MPPED2: variants seen among roughly 807,000 people sequenced by gnomAD.
The protein encoded by MPPED2 is metallophosphoesterase domain containing 2, also known as metallophosphoesterase MPPED2.
A neutral mutation model predicts 33.0 loss-of-function variants in MPPED2; 5 were observed. The ratio of observed to expected loss-of-function variants is 0.15; its 90% CI spans 0.08 to 0.32. The LOEUF (loss-of-function observed/expected upper bound fraction) is 0.32, where lower values mean the gene tolerates loss of function less well. Among genes scored for constraint, MPPED2 ranks in the 10% least tolerant of loss-of-function variants. MPPED2 has a pLI of 1.00. For synonymous variants in MPPED2, 136 were observed against 141.9 expected (o/e 0.96, Z 0.29); for missense variants, 275 against 372.1 (o/e 0.74, Z 2.15).
At chr11:30,506,465 T>C (rs927328544) in intron 3 of MPPED2, among the ~76,000 whole-genome samples, 12 of 152,208 alleles carry the variant, frequency 7.9e-5, no homozygotes, top group African/African-American at 2.9e-4. Context: ...AATAAACTAG[T>C]AGTGTTGGCT....
At chr11:30,429,923 C>T (rs970391650) in intron 4 of MPPED2, among the ~76,000 whole-genome samples, 2 of 152,168 alleles carry the variant, frequency 1.3e-5, no homozygotes, top group Non-Finnish European at 2.9e-5. Flanking sequence ...TATTTCCTAT[C>T]TCATTCCGAC....
chr11:30,531,737 G>A (rs182710003), intron 3 of MPPED2, among the ~76,000 whole-genome samples: 1 of 152,322 alleles, frequency 6.6e-6, no homozygotes, highest in Admixed American at 6.5e-5. Context: ...ACCAAATGGG[G>A]AGAATACTTC....
intron 6 of MPPED2, among the ~76,000 whole-genome samples, chr11:30,413,372 C>T (rs970521298): frequency 6.6e-6 from 1 of 152,140 alleles, no homozygotes; most frequent in African/African-American, 2.4e-5. Context: ...TGCACACAAG[C>T]GTGTGTAACT....
intron 1 of MPPED2, among the ~76,000 whole-genome samples, 174 bp downstream of exon 1, chr11:30,585,868 G>A (rs1285535891): frequency 1.3e-5 from 2 of 152,208 alleles, no homozygotes; most frequent in African/African-American, 2.4e-5. Flanking sequence ...GGGCACCGGG[G>A]CAGCCCGGGT....
chr11:30,547,214 C>T (rs756242735), intron 2 of MPPED2, among the ~76,000 whole-genome samples: 4 of 152,188 alleles, frequency 2.6e-5, no homozygotes, highest in African/African-American at 9.7e-5. Context: ...AGAGAACTAC[C>T]ATCTACTGTG....
intron 2 of MPPED2, among the ~76,000 whole-genome samples, chr11:30,555,240 T>C (rs1242425240): frequency 2.0e-5 from 3 of 152,196 alleles, no homozygotes; most frequent in African/African-American, 7.2e-5. Flanking sequence ...TGTGACTCTC[T>C]TGCTATAGTG....
chr11:30,456,090 C>T (rs1209016817), intron 4 of MPPED2, among the ~76,000 whole-genome samples: 4 of 152,190 alleles, frequency 2.6e-5, no homozygotes, highest in Non-Finnish European at 4.4e-5. Context: ...TATTGCTTCT[C>T]TATGGAAAAG....
downstream of MPPED2, among the ~76,000 whole-genome samples, chr11:30,406,448 G>C (rs147189561): frequency 1.1e-4 from 16 of 152,230 alleles, no homozygotes; most frequent in East Asian, 3.1e-3. Context: ...TGACTTTACT[G>C]GGGCACCAGG....
In MPPED2 at chr11:30,426,628, T is replaced by C. The variant is rs140981759; in HGVS notation, c.537-8995A>G. 5.3e-5 allele frequency among the ~76,000 whole-genome samples: 8 copies of C among 152,266 alleles called. 1 individual carries two copies. In the East Asian group the frequency reaches 1.5e-3, roughly 29 times the overall value. On this transcript the variant is annotated intron_variant, in intron 4 of 6. Transcript: ENST00000358117. The stretch of plus-strand genomic sequence containing the variant: ...TCTAGCATGGCAGGTGCTGAGAAAA[T>C]GAAATTGAATACAGTTTCCAGAACA...
chr11:30,387,057 C>T (rs539710633), exon 7 of MPPED2: 94 of 318,794 alleles, frequency 2.9e-4, no homozygotes, highest in Non-Finnish European at 3.4e-4. Context: ...AACTGCACAG[C>T]GTGCACGCAT....
chr11:30,500,299 C>T (rs1015387469), intron 3 of MPPED2, among the ~76,000 whole-genome samples: 2 of 152,070 alleles, frequency 1.3e-5, no homozygotes, highest in Non-Finnish European at 2.9e-5. Context: ...CTGATATTTC[C>T]TCTCCTCTCT....
intron 2 of MPPED2, among the ~76,000 whole-genome samples, chr11:30,572,233 C>A (rs1304718049): frequency 6.6e-6 from 1 of 152,080 alleles, no homozygotes. Flanking sequence ...TCCAATTATG[C>A]AACATACAGC....
intron 3 of MPPED2, among the ~76,000 whole-genome samples, chr11:30,521,270 A>ACAAAAC (rs1053698850): frequency 4.6e-5 from 7 of 152,238 alleles, no homozygotes; most frequent in Non-Finnish European, 1.0e-4. Flanking sequence ...ACAAGAATAA[A>ACAAAAC]CAAAACCAAA....
chr11:30,417,705 G>T (rs939610822), intron 4 of MPPED2, 72 bp from the exon 5 acceptor site: 1 of 859,300 alleles, frequency 1.2e-6, no homozygotes, highest in Non-Finnish European at 2.0e-6. Context: ...TTTCTCTCTC[G>T]CACATTCCCC....
intron 4 of MPPED2, among the ~76,000 whole-genome samples, chr11:30,459,082 C>A (rs1590357593): frequency 6.6e-6 from 1 of 151,276 alleles, no homozygotes. Flanking sequence ...CCCGCCACTA[C>A]GCCCGGCTAA....
chr11:30,399,080 A>G (rs1450523538), intron 6 of MPPED2, among the ~76,000 whole-genome samples: 1 of 152,150 alleles, frequency 6.6e-6, no homozygotes, highest in African/African-American at 2.4e-5. Flanking sequence ...AACCACCATT[A>G]CATGAAAACA....
intron 2 of MPPED2, among the ~76,000 whole-genome samples, chr11:30,541,087 C>A (rs1955083965): frequency 6.6e-6 from 1 of 152,154 alleles, no homozygotes; most frequent in Admixed American, 6.5e-5. Context: ...AACAAATTGG[C>A]AGATTTTTCT....
chr11:30,550,044 T>G (rs1955624698), intron 2 of MPPED2, among the ~76,000 whole-genome samples: 1 of 152,204 alleles, frequency 6.6e-6, no homozygotes, highest in African/African-American at 2.4e-5. Flanking sequence ...AGATTTGCTT[T>G]GAAGACAGTG....
At chr11:30,432,798 C>G (rs1949140799) in intron 4 of MPPED2, among the ~76,000 whole-genome samples, 1 of 152,118 alleles carries the variant, frequency 6.6e-6, no homozygotes, top group South Asian at 2.1e-4. Flanking sequence ...AAGTACAGGT[C>G]CCCAACTTGT....
Sources: allele counts gnomAD v4.1 joint callset (sites outside exome capture counted in the v4.1 genomes callset), GRCh38; gene constraint gnomAD v4.1.1; transcripts MANE v1.5; gene names NCBI Gene and HGNC (gene_info 2026-07-23, HGNC 2026-07-21).